The following LRRC49 variants were observed in gnomAD, a reference collection of about 807,000 sequenced individuals.
LRRC49 encodes the protein leucine-rich repeat-containing protein 49.
LRRC49 carries 50 observed loss-of-function variants against 83.3 expected under a neutral mutation model. That is an observed-to-expected ratio of 0.60 (90% CI 0.48 to 0.76). The LOEUF (loss-of-function observed/expected upper bound fraction) is 0.76, where lower values mean the gene tolerates loss of function less well. Ranked by LOEUF, LRRC49 falls within the 30% of genes least tolerant of loss-of-function variation. The probability of loss-of-function intolerance (pLI) is 0.00; values close to 1 mark genes in which losing one functional copy is unlikely to be tolerated. For missense variants in LRRC49, 704 were observed against 809.1 expected, an observed-to-expected ratio of 0.87 and a Z score of 1.58; for synonymous variants, 286 against 283.3, an observed-to-expected ratio of 1.01 and a Z score of -0.10.
rs1351549455 is a variant in LRRC49 at position 71,053,429 on chromosome 15, A to G, written c.*3817A>G. ...GGAATTCCGTCTTATGGAATACACA[A>G]TGCATCTCAACATGTACAATATATA... On this transcript the variant is annotated 3_prime_UTR_variant, in exon 16 of 16. Transcript: ENST00000260382. 6.6e-6 allele frequency: 1 copy of G among 152,182 alleles called. No individual in the cohort carries two copies. The highest frequency in any genetic ancestry group is 1.5e-5 in the Non-Finnish European group (1 of 68,040). The allele number at this position is 152,182 out of a possible 1,614,324, so 9.4% of individuals were successfully genotyped here. A position where few individuals can be genotyped will look rare whatever the true frequency, so the allele number is the denominator to read the frequency against.
At chr15:70,955,932 G>A (rs1434219380) in intron 8 of LRRC49, among the ~76,000 whole-genome samples, 1 of 152,106 alleles carries the variant, frequency 6.6e-6, no homozygotes, top group Non-Finnish European at 1.5e-5. Flanking sequence ...GAGCACGCTT[G>A]ATGATTTATT....
At chr15:71,034,498 A>G (rs1362036039) in intron 14 of LRRC49, among the ~76,000 whole-genome samples, 1 of 152,238 alleles carries the variant, frequency 6.6e-6, no homozygotes, top group Non-Finnish European at 1.5e-5. Flanking sequence ...ACCTGGAACC[A>G]GAAATACGAT....
At chr15:70,933,206 A>T (rs146447638) in intron 7 of LRRC49, among the ~76,000 whole-genome samples, 97 of 152,328 alleles carry the variant, frequency 6.4e-4, no homozygotes, top group African/African-American at 2.2e-3. Context: ...TTTTCCAAAT[A>T]CATAAAATAG....
chr15:70,963,975 T>G, intron 9 of LRRC49, 43 bp downstream of exon 9: 1 of 1,577,662 alleles, frequency 6.3e-7, no homozygotes, highest in South Asian at 1.2e-5. Flanking sequence ...TTGTCCTTAG[T>G]GTGGATTAGG....
At chr15:70,901,155 T>C (rs117765060) in intron 4 of LRRC49, 131 bp downstream of exon 4, 13,823 of 562,336 alleles carry the variant, frequency 0.025, 217 homozygotes, top group Non-Finnish European at 0.031. Flanking sequence ...TTAGATATAA[T>C]TTTTTTAACC....
chr15:70,947,100 G>A (rs985990493), intron 8 of LRRC49, among the ~76,000 whole-genome samples: 1 of 152,060 alleles, frequency 6.6e-6, no homozygotes, highest in African/African-American at 2.4e-5. Context: ...CATTTCATGG[G>A]TATTGGCTTG....
intron 10 of LRRC49, among the ~76,000 whole-genome samples, chr15:70,981,914 T>C (rs1596095760): frequency 7.8e-6 from 1 of 128,842 alleles, no homozygotes; most frequent in Non-Finnish European, 1.6e-5. Context: ...TTTTTTTTCC[T>C]CCACAGATGC....
chr15:70,980,101 G>T lies in LRRC49; in HGVS notation c.922G>T (p.Glu308Ter). 2 of 1,599,630 alleles carry T rather than the reference G, an allele frequency of 1.3e-6. No homozygotes were observed. The highest frequency in any genetic ancestry group is 1.7e-6 in the Non-Finnish European group (2 of 1,172,680). Residue 308 changes from glutamate (E) to a stop codon, truncating the protein, a stop_gained and splice_region_variant, in exon 10 of 16, where the codon GAA (glutamate) becomes TAA (stop). Transcript: ENST00000260382. LOFTEE classifies it high-confidence loss of function. ...ATACTTTTCGGAAAATGTCTTTTAG[G>T]AAGAAGAAAGGCGTATGGCATCTGT... The part of the protein sequence containing the change: ...LRQLDMKRIT[E>*]EERRMASVLA...
intron 9 of LRRC49, among the ~76,000 whole-genome samples, chr15:70,964,401 G>A (rs968261225): frequency 3.3e-5 from 5 of 152,002 alleles, no homozygotes; most frequent in Admixed American, 1.3e-4. Context: ...TAGGTTTGTC[G>A]CGAAGATGAA....
chr15:71,014,422 C>G (rs906527238), intron 14 of LRRC49, among the ~76,000 whole-genome samples: 3 of 151,620 alleles, frequency 2.0e-5, no homozygotes, highest in African/African-American at 7.3e-5. Context: ...AATTTCTAAA[C>G]TACTAAAAGG....
At chr15:70,999,505 C>CT (rs2038188138) in intron 11 of LRRC49, among the ~76,000 whole-genome samples, 1 of 152,150 alleles carries the variant, frequency 6.6e-6, no homozygotes. Flanking sequence ...CTCCCAGACT[C>CT]TATCGATTGG....
intron 1 of LRRC49, chr15:70,859,969 T>G (rs2032748434): frequency 3.9e-6 from 3 of 762,594 alleles, no homozygotes; most frequent in Middle Eastern, 3.5e-4. Flanking sequence ...CCAGCGGCTA[T>G]GCAGGTGGTC....
intron 11 of LRRC49, among the ~76,000 whole-genome samples, chr15:71,004,981 C>T (rs886773824): frequency 5.3e-5 from 8 of 151,974 alleles, no homozygotes; most frequent in Admixed American, 1.3e-4. Flanking sequence ...AAAATAAACC[C>T]CCATGACACA....
Position 70,895,831 on chromosome 15 carries a change from T to C in LRRC49, c.106-18T>C, listed in dbSNP as rs764716749. ...AAATTTGTCTCCAAATATTTTTTTC[T>C]TTAATAATGTTTTTCAGGTTGAATT... On this transcript the variant is annotated intron_variant, in intron 2 of 15. Transcript: ENST00000260382. 6.5e-7 allele frequency: 1 copy of C among 1,541,400 alleles called. No homozygotes were observed. The highest frequency in any genetic ancestry group is 1.2e-5 in the South Asian group (1 of 85,290).
At chr15:70,853,854 C>CG in intron 1 of LRRC49, 2 of 1,227,710 alleles carry the variant, frequency 1.6e-6, no homozygotes, top group African/African-American at 3.1e-5. Context: ...GGCGCCCCCT[C>CG]GGGGCCCACC....
intron 8 of LRRC49, among the ~76,000 whole-genome samples, chr15:70,955,504 C>T (rs1183443458): frequency 6.6e-6 from 1 of 152,158 alleles, no homozygotes; most frequent in African/African-American, 2.4e-5. Context: ...GAGGGTCTTG[C>T]TCTTAGGGTC....
intron 8 of LRRC49, among the ~76,000 whole-genome samples, chr15:70,950,441 C>G (rs1425101702): frequency 6.6e-6 from 1 of 151,712 alleles, no homozygotes; most frequent in Admixed American, 6.6e-5. Context: ...CCCTTTTCTC[C>G]AATGTATAAG....
chr15:70,986,942 G>C (rs1302988540), intron 11 of LRRC49, among the ~76,000 whole-genome samples: 2 of 152,162 alleles, frequency 1.3e-5, no homozygotes, highest in African/African-American at 4.8e-5. Flanking sequence ...TACATTTATT[G>C]ATTTGCGTAT....
chr15:70,853,908 C>A, intron 1 of LRRC49: 1 of 1,364,360 alleles, frequency 7.3e-7, no homozygotes. Context: ...CGGCTCGGCT[C>A]CTCCTCGCTC....
Sources: gnomAD v4.1 joint callset for allele counts (sites outside exome capture counted in the v4.1 genomes callset) on GRCh38, gnomAD v4.1.1 for gene constraint, MANE v1.5 for transcripts, NCBI Gene and HGNC (gene_info 2026-07-23, HGNC 2026-07-21) for gene names.